Variants in CNDP2 observed in about 807,000 individuals in gnomAD.
CNDP2 encodes carnosine dipeptidase 2.
In CNDP2, 38 loss-of-function variants were observed where a neutral mutation model predicts 55.0. The ratio of observed to expected loss-of-function variants is 0.69; its 90% confidence interval spans 0.53 to 0.90. The LOEUF is 0.90. Ranked by LOEUF, CNDP2 falls within the 40% of genes least tolerant of loss-of-function variation. The probability of loss-of-function intolerance (pLI) is 0.00; values close to 1 mark genes in which losing one functional copy is unlikely to be tolerated. For synonymous variants in CNDP2, 241 were observed against 260.2 expected, an observed-to-expected ratio of 0.93 and a Z score of 0.71; for missense variants, 607 against 621.7, an observed-to-expected ratio of 0.98 and a Z score of 0.25.
intron 5 of CNDP2, chr18:74,509,300 C>T (rs534120258): frequency 4.1e-5 from 8 of 193,644 alleles, no homozygotes; most frequent in Non-Finnish European, 7.4e-5. Context: ...GTGTGGTTTA[C>T]GTCCTCCTAA....
chr18:74,517,617 C>G (rs568898999), intron 9 of CNDP2: 2 of 152,072 alleles, frequency 1.3e-5, no homozygotes, highest in Admixed American at 1.3e-4. Flanking sequence ...GGTGTGTGCT[C>G]CCCCGTTTTG....
At chr18:74,516,992 G>A (rs753294500) in intron 9 of CNDP2, 11 of 45,030 alleles carry the variant, frequency 2.4e-4, no homozygotes, top group Non-Finnish European at 6.5e-4. Context: ...TAGCTTACGT[G>A]GCAGACGCGA....
chr18:74,510,986 C>T lies in CNDP2; in HGVS notation c.630C>T (p.Leu210=), dbSNP rs1271039333. The T allele has an allele frequency of 6.2e-7, 1 of 1,614,166 alleles. No individual in the cohort carries two copies. Among genetic ancestry groups the T allele is most frequent in the South Asian group, 1.1e-5 (1 of 91,076 alleles). ...AGAAGCCCTGCATCACCTACGGCCT[C>T]AGGGGCATTTGCTACTTTTTCATCG... The part of the protein sequence containing the change: ...GKKKPCITYG[L]RGICYFFIEV... Residue 210 remains leucine, a synonymous_variant, in exon 6 of 12, where the codon CTC becomes CTT. Coordinates refer to ENST00000324262, the MANE Select transcript of CNDP2 (RefSeq NM_018235.3).
rs760065321 is a variant in CNDP2 at position 74,518,603 on chromosome 18, C to T, written c.1173C>T (p.His391=). The T allele has an allele frequency of 2.5e-6, 4 of 1,614,122 alleles. No individual in the cohort carries two copies. The highest frequency in any genetic ancestry group is 1.3e-5 in the African/African-American group (1 of 74,942). The change falls in exon 10 of 12, where the codon CAC becomes CAT. Residue 391 remains histidine (H), a synonymous_variant. Coordinates refer to ENST00000324262, the MANE Select transcript of CNDP2 (RefSeq NM_018235.3). ...GGKPWVSDFS[H]PHYLAGRRAM... Reference sequence around the variant, plus strand: ...AGCCCTGGGTCTCCGACTTCAGTCACCCTCATTACCTGGCTGGGAGAAGAG... The same window carrying T: ...AGCCCTGGGTCTCCGACTTCAGTCATCCTCATTACCTGGCTGGGAGAAGAG...
intron 8 of CNDP2, among the ~76,000 whole-genome samples, chr18:74,515,630 G>A (rs1033794142): frequency 1.3e-5 from 2 of 152,186 alleles, no homozygotes; most frequent in Non-Finnish European, 2.9e-5. Context: ...GCTACTGCAG[G>A]GATGCAGGGG....
chr18:74,501,556 A>C (rs1978702258), intron 3 of CNDP2, 84 bp downstream of exon 3: 3 of 1,495,952 alleles, frequency 2.0e-6, no homozygotes, highest in East Asian at 2.3e-5. Context: ...TTCTTAAAAG[A>C]TCTTTTGCTT....
At chr18:74,496,991 C>T (rs1283906924) in intron 1 of CNDP2, among the ~76,000 whole-genome samples, 3 of 152,306 alleles carry the variant, frequency 2.0e-5, no homozygotes, top group African/African-American at 4.8e-5. Flanking sequence ...TAGGAGGAAG[C>T]GTCTGAGGGG....
chr18:74,509,981 A>G (rs1979248922), intron 5 of CNDP2, among the ~76,000 whole-genome samples: 1 of 152,192 alleles, frequency 6.6e-6, no homozygotes, highest in Non-Finnish European at 1.5e-5. Context: ...GGTGCGGCCG[A>G]GCCTGCATGC....
chr18:74,512,297 T>G, intron 6 of CNDP2, 151 bp from the exon 7 acceptor site: 1 of 622,836 alleles, frequency 1.6e-6, no homozygotes, highest in Non-Finnish European at 2.8e-6. Flanking sequence ...GTTTTTAATT[T>G]GGGAAATGCC....
intron 7 of CNDP2, 93 bp downstream of exon 7, chr18:74,512,625 C>T (rs770308415): frequency 5.9e-5 from 63 of 1,070,352 alleles, no homozygotes; most frequent in Non-Finnish European, 7.9e-5. Context: ...TGCATTTCAG[C>T]ATTCCACATG....
At chr18:74,510,519 C>T (rs981808885) in intron 5 of CNDP2, among the ~76,000 whole-genome samples, 1 of 152,208 alleles carries the variant, frequency 6.6e-6, no homozygotes. Flanking sequence ...ACGTGGTGTT[C>T]CTCGTGTCGT....
chr18:74,518,944 C>CT lies in CNDP2; in HGVS notation c.1211-5_1211-4insT, dbSNP rs751460455. On this transcript the variant is annotated splice_region_variant and splice_polypyrimidine_tract_variant and intron_variant, in intron 10 of 11. Coordinates refer to ENST00000324262, the MANE Select transcript of CNDP2 (RefSeq NM_018235.3). ...CACCGTTTATTTTATTTCATTTCCC[C>CT]CCAGTTTTTGGTGTTGAGCCAGACT... The CT allele has an allele frequency of 3.1e-6, 5 of 1,613,930 alleles. No individual in the cohort carries two copies. The South Asian group carries it at 5.5e-5, about 18-fold the overall frequency.
intron 5 of CNDP2, 60 bp downstream of exon 5, chr18:74,508,988 C>T: frequency 2.9e-6 from 4 of 1,390,538 alleles, no homozygotes; most frequent in Non-Finnish European, 3.1e-6. Flanking sequence ...CATACAAAGA[C>T]AGGCTCTCTG....
At position 74,518,544 on chromosome 18, in the gene CNDP2, A is replaced by G. The variant is rs371957195; in HGVS notation, c.1114A>G (p.Asn372Asp). The change falls in exon 10 of 12, where the codon AAT (asparagine) becomes GAT (aspartate). Residue 372 changes from asparagine to aspartate, a missense_variant. Coordinates refer to ENST00000324262, the MANE Select transcript of CNDP2 (RefSeq NM_018235.3). ...TKKFAELRSP[N>D]EFKVYMGHGG... is the part of the protein sequence containing the mutation. ...GAAGTTTGCTGAACTACGCAGCCCC[A>G]ATGAGTTCAAGGTGTACATGGGCCA... is the stretch of plus-strand genomic sequence containing the variant. 1.5e-5 allele frequency: 24 copies of G among 1,614,082 alleles called. No homozygotes were observed. The highest frequency in any genetic ancestry group is 2.2e-5 in the East Asian group (1 of 44,876).
chr18:74,502,457 T>G (rs1043776523), intron 3 of CNDP2, among the ~76,000 whole-genome samples: 2 of 149,440 alleles, frequency 1.3e-5, no homozygotes, highest in Admixed American at 6.9e-5. Flanking sequence ...ATATGTGTGT[T>G]TTTTTTGTCT....
At chr18:74,516,078 C>T (rs991627449) in intron 8 of CNDP2, 150 bp from the exon 9 acceptor site, 86 of 798,700 alleles carry the variant, frequency 1.1e-4, no homozygotes, top group Non-Finnish European at 4.0e-5. Context: ...CGCACCTGCA[C>T]CTGGACCTCC....
intron 7 of CNDP2, 26 bp downstream of exon 7, chr18:74,512,558 G>A (rs746160061): frequency 2.1e-5 from 33 of 1,598,508 alleles, no homozygotes; most frequent in South Asian, 1.1e-4. Flanking sequence ...CATTCAGTCC[G>A]CAGTTGAGGG....
At chr18:74,518,409 G>A (rs2053331980) in intron 9 of CNDP2, 90 bp from the exon 10 acceptor site, 8 of 1,488,042 alleles carry the variant, frequency 5.4e-6, no homozygotes, top group Non-Finnish European at 7.4e-6. Context: ...GCTCGCTGTA[G>A]ACCCATGATA....
intron 3 of CNDP2, among the ~76,000 whole-genome samples, chr18:74,501,933 G>T (rs193033680): frequency 6.6e-5 from 10 of 151,642 alleles, no homozygotes; most frequent in South Asian, 2.1e-4. Flanking sequence ...TCCCTCTGTC[G>T]CCCAGGCTGG....
Sources: gnomAD v4.1 joint callset for allele counts (sites outside exome capture counted in the v4.1 genomes callset) on GRCh38, gnomAD v4.1.1 for gene constraint, MANE v1.5 for transcripts, NCBI Gene and HGNC (gene_info 2026-07-23, HGNC 2026-07-21) for gene names.